IL16: variants seen among roughly 807,000 people sequenced by gnomAD.
IL16 encodes the protein pro-interleukin-16.
A neutral mutation model predicts 110.1 loss-of-function variants in IL16; 67 were observed. The ratio of observed to expected loss-of-function variants is 0.61; its 90% CI spans 0.50 to 0.75. IL16 has a LOEUF of 0.75. Among genes scored for constraint, IL16 ranks in the 30% least tolerant of loss-of-function variants. The pLI, the probability that IL16 is intolerant of heterozygous loss-of-function variation, is 0.00. For synonymous variants in IL16, 689 were observed against 662.9 expected, an observed-to-expected ratio of 1.04 and a Z score of -0.61; for missense variants, 1,545 against 1,655.0, an observed-to-expected ratio of 0.93 and a Z score of 1.15.
intron 2 of IL16, 85 bp from the exon 3 acceptor site, chr15:81,259,687 T>A: frequency 2.6e-6 from 2 of 783,274 alleles, no homozygotes; most frequent in East Asian, 4.9e-5. Flanking sequence ...TGAGTACTTC[T>A]ATGGTCAGTG....
chr15:81,265,947 A>G, intron 4 of IL16, 146 bp downstream of exon 4: 1 of 742,176 alleles, frequency 1.3e-6, no homozygotes, highest in Non-Finnish European at 2.1e-6. Flanking sequence ...AGTAGCTGCA[A>G]GAAGGTACAA....
At chr15:81,199,516 G>A (rs1223787076) in intron 1 of IL16, among the ~76,000 whole-genome samples, 1 of 152,196 alleles carries the variant, frequency 6.6e-6, no homozygotes, top group South Asian at 2.1e-4. Flanking sequence ...ACAGTGACCC[G>A]ATGCTGGGAT....
chr15:81,198,959 G>T (rs962752458), intron 1 of IL16, among the ~76,000 whole-genome samples: 2 of 148,364 alleles, frequency 1.3e-5, no homozygotes, highest in African/African-American at 5.0e-5. Context: ...GGCGGAGACT[G>T]CAGTGAGCCG....
intron 1 of IL16, among the ~76,000 whole-genome samples, chr15:81,214,423 T>A (rs1383761059): frequency 6.6e-6 from 1 of 152,236 alleles, no homozygotes; most frequent in African/African-American, 2.4e-5. Context: ...GGAATTTCTT[T>A]GCTTTGAAAA....
Position 81,288,022 on chromosome 15 carries a change from G to GCATT in IL16, c.1332+2194_1332+2197dup, listed in dbSNP as rs1434591874. Among the ~76,000 whole-genome samples, 3 of 152,358 alleles carry GCATT rather than the reference G, an allele frequency of 2.0e-5. No homozygotes were observed. In the East Asian group the frequency reaches 5.8e-4, roughly 29 times the overall value. ...CTGTAGCCCTGGGCTTAAGGAATGTGCATTCTCCCAGAGACATGGGACACA... is the reference window on the plus strand; with the variant it reads ...CTGTAGCCCTGGGCTTAAGGAATGTGCATTCATTCTCCCAGAGACATGGGACACA... On this transcript the variant is annotated intron_variant, in intron 10 of 18. Transcript: ENST00000683961.
intron 9 of IL16, 94 bp downstream of exon 9, chr15:81,282,850 A>T: frequency 1.0e-6 from 1 of 995,298 alleles, no homozygotes; most frequent in South Asian, 1.3e-5. Flanking sequence ...GACATGAGCT[A>T]TAAAGAATGA....
Position 81,265,639 on chromosome 15 carries a change from T to G in IL16, c.422-20T>G. On this transcript the variant is annotated intron_variant, in intron 3 of 18. Transcript: ENST00000683961. ...TGAGAGCACAAATGATTTCTTGCTGTTTTTCCTCTTCTGGTTTAGGTGTTA... is the reference window on the plus strand; with the variant it reads ...TGAGAGCACAAATGATTTCTTGCTGGTTTTCCTCTTCTGGTTTAGGTGTTA... 1 of 1,611,724 alleles carries G rather than the reference T, an allele frequency of 6.2e-7. No homozygotes were observed. The highest frequency in any genetic ancestry group is 8.5e-7 in the Non-Finnish European group (1 of 1,178,846).
chr15:81,249,377 G>A (rs1234097290), intron 2 of IL16, among the ~76,000 whole-genome samples: 7 of 151,620 alleles, frequency 4.6e-5, no homozygotes, highest in African/African-American at 1.4e-4. Flanking sequence ...ATTTCTTTTA[G>A]TGAGAGTATA....
intron 1 of IL16, among the ~76,000 whole-genome samples, chr15:81,207,583 A>G (rs553960942): frequency 6.6e-6 from 1 of 151,314 alleles, no homozygotes; most frequent in Non-Finnish European, 1.5e-5. Context: ...TATGTGGCCA[A>G]TCTTTAGCTC....
chr15:81,313,679 C>T lies in IL16; in HGVS notation c.*4881C>T, dbSNP rs1900989044. On this transcript the variant is annotated 3_prime_UTR_variant, in exon 19 of 19. Transcript: ENST00000683961. ...CCCAAAAACCCAGTACCCTGCTGCCCGATTCACTCAGCAAATGCTTTCAGA... is the reference window on the plus strand; with the variant it reads ...CCCAAAAACCCAGTACCCTGCTGCCTGATTCACTCAGCAAATGCTTTCAGA... 1.5e-5 allele frequency: 4 copies of T among 258,336 alleles called. No individual in the cohort carries two copies. Among genetic ancestry groups the T allele is most frequent in the Non-Finnish European group, 2.9e-5 (4 of 137,168 alleles). 16.0% of individuals were successfully genotyped at this position (258,336 alleles called of 1,614,324 possible). A position where few individuals can be genotyped will look rare whatever the true frequency, so the allele number is the denominator to read the frequency against.
intron 1 of IL16, among the ~76,000 whole-genome samples, chr15:81,185,902 C>T (rs1043476510): frequency 3.9e-5 from 6 of 152,222 alleles, no homozygotes; most frequent in African/African-American, 1.4e-4. Flanking sequence ...TGTTTTAAAT[C>T]TTACCAGCTT....
chr15:81,242,945 A>G (rs1021467666), intron 2 of IL16, among the ~76,000 whole-genome samples: 2 of 151,190 alleles, frequency 1.3e-5, no homozygotes, highest in Non-Finnish European at 3.0e-5. Context: ...TGGTCAAAAA[A>G]TTTTTTTGCA....
At position 81,313,210 on chromosome 15, in the gene IL16, T is replaced by C. The variant is rs752973406; in HGVS notation, c.*4412T>C. 42 of 1,474,510 alleles carry C rather than the reference T, an allele frequency of 2.8e-5. No homozygotes were observed. The highest frequency in any genetic ancestry group is 3.7e-5 in the Non-Finnish European group (41 of 1,106,438). The allele number at this position is 1,474,510 out of a possible 1,614,324, so 91.3% of individuals were successfully genotyped here. ...TCCTTGGTGTCCCAACAGCTGGAGC[T>C]CCTCGATGAGTCACGGGAGTTCTTT... On this transcript the variant is annotated 3_prime_UTR_variant, in exon 19 of 19. Coordinates refer to ENST00000683961, the MANE Select transcript of IL16 (RefSeq NM_172217.5).
Position 81,279,681 on chromosome 15 carries a change from G to C in IL16, c.988G>C (p.Asp330His). 6.2e-7 allele frequency: 1 copy of C among 1,614,224 alleles called. No homozygotes were observed. ...SLSSSTCITKDSSSFALESPS... is the reference protein window; with the variant it reads ...SLSSSTCITKHSSSFALESPS... ...GAGCTCCAGCACTTGTATCACCAAG[G>C]ACAGCAGCTCCTTCGCCTTGGAAAG... is the stretch of plus-strand genomic sequence containing the variant. The change falls in exon 8 of 19, where the codon GAC (aspartate) becomes CAC (histidine). Residue 330 changes from aspartate (D) to histidine (H), a missense_variant. By Grantham distance (81) the Asp-to-His change is moderately conservative (BLOSUM62 -1). Transcript: ENST00000683961.
intron 10 of IL16, chr15:81,289,890 T>C: frequency 2.2e-6 from 1 of 452,912 alleles, no homozygotes. Flanking sequence ...TTTATTATTG[T>C]TATTATTTTA....
chr15:81,279,834 G>A (rs983854873), intron 8 of IL16, 60 bp downstream of exon 8: 1 of 1,439,410 alleles, frequency 6.9e-7, no homozygotes, highest in Non-Finnish European at 9.7e-7. Flanking sequence ...GAGTCTCCCA[G>A]GCTTTCCTCA....
chr15:81,228,858 A>G (rs2142050619), intron 2 of IL16, among the ~76,000 whole-genome samples: 1 of 152,308 alleles, frequency 6.6e-6, no homozygotes, highest in Admixed American at 6.5e-5. Flanking sequence ...CTAGCTGTGT[A>G]ATCCTAGACA....
chr15:81,215,365 T>A (rs1605866), intron 1 of IL16, among the ~76,000 whole-genome samples: 1 of 152,100 alleles, frequency 6.6e-6, no homozygotes, highest in Non-Finnish European at 1.5e-5. Flanking sequence ...TTGTGTTTGG[T>A]TTCACAGATG....
Position 81,265,785 on chromosome 15 carries a change from C to G in IL16, c.548C>G (p.Pro183Arg). 1 of 1,612,632 alleles carries G rather than the reference C, an allele frequency of 6.2e-7. No homozygotes were observed. Among genetic ancestry groups the G allele is most frequent in the Non-Finnish European group, 8.5e-7 (1 of 1,179,312 alleles). ...TCCCTCTCTCAACAATTGGACTGTC[C>G]AGCAGGAAAGGCTGCGGTAAGAATG... ...RKSLSQQLDCPAGKAAGTSRP... is the reference protein window; with the variant it reads ...RKSLSQQLDCRAGKAAGTSRP... The change falls in exon 4 of 19, where the codon CCA becomes CGA. Residue 183 changes from proline to arginine, a missense_variant. By Grantham distance (103) the Pro-to-Arg change is moderately radical (BLOSUM62 -2). Around this residue, in one of 3 missense-constraint regions of IL16, gnomAD observed 1,185 missense variants for 1,238.8 expected, o/e 0.96. Transcript: ENST00000683961.
Sources: allele counts gnomAD v4.1 joint callset (sites outside exome capture counted in the v4.1 genomes callset), GRCh38; gene constraint gnomAD v4.1.1; regional missense constraint gnomAD v4.1.1; transcripts MANE v1.5; gene names NCBI Gene and HGNC (gene_info 2026-07-23, HGNC 2026-07-21).